Variants in NDUFAF2 observed in about 807,000 individuals in gnomAD.
NDUFAF2 encodes NADH dehydrogenase [ubiquinone] 1 alpha subcomplex assembly factor 2.
A neutral mutation model predicts 22.8 loss-of-function variants in NDUFAF2; 13 were observed. That is an observed-to-expected ratio of 0.57 (90% CI 0.37 to 0.91). The LOEUF is 0.91. Among genes scored for constraint, NDUFAF2 ranks in the 40% least tolerant of loss-of-function variants. NDUFAF2 has a pLI of 0.01. For synonymous variants in NDUFAF2, 53 were observed against 64.2 expected (o/e 0.83, Z 0.84); for missense variants, 162 against 195.2 (o/e 0.83, Z 1.01).
chr5:61,124,811 T>A (rs1016204859), intron 3 of NDUFAF2, among the ~76,000 whole-genome samples: 1 of 152,094 alleles, frequency 6.6e-6, no homozygotes, highest in Admixed American at 6.6e-5. Flanking sequence ...TTAGTTCGTT[T>A]TCACATTGCT....
At chr5:60,967,156 C>G (rs1750767721) in intron 1 of NDUFAF2, among the ~76,000 whole-genome samples, 1 of 151,846 alleles carries the variant, frequency 6.6e-6, no homozygotes, top group Non-Finnish European at 1.5e-5. Flanking sequence ...GATAGTTTAT[C>G]AGTGTATAGA....
intron 3 of NDUFAF2, among the ~76,000 whole-genome samples, chr5:61,128,243 A>G (rs998111841): frequency 3.8e-4 from 58 of 152,192 alleles, no homozygotes; most frequent in Non-Finnish European, 4.7e-4. Flanking sequence ...TATAGATTCA[A>G]TGCCATCCCC....
chr5:61,016,623 G>T (rs1751514844), intron 1 of NDUFAF2, among the ~76,000 whole-genome samples: 1 of 152,134 alleles, frequency 6.6e-6, no homozygotes. Context: ...GGAGATAAAT[G>T]CTTGAGTAAT....
At chr5:61,147,437 CT>C (rs1240336890) in intron 3 of NDUFAF2, among the ~76,000 whole-genome samples, 56 of 84,728 alleles carry the variant, frequency 6.6e-4, no homozygotes, top group South Asian at 1.0e-3. Flanking sequence ...TTTTTTCTTT[CT>C]TTTTTTTTTT....
intron 1 of NDUFAF2, among the ~76,000 whole-genome samples, chr5:61,047,994 A>G (rs1751974224): frequency 1.3e-5 from 2 of 152,192 alleles, no homozygotes; most frequent in African/African-American, 2.4e-5. Flanking sequence ...TTTAATAAAC[A>G]TGAAGTGAAA....
chr5:61,126,480 A>C (rs1177188546), intron 3 of NDUFAF2, among the ~76,000 whole-genome samples: 2 of 152,052 alleles, frequency 1.3e-5, no homozygotes, highest in Non-Finnish European at 2.9e-5. Context: ...TCATAAAAAC[A>C]TTTCATTATG....
intron 1 of NDUFAF2, among the ~76,000 whole-genome samples, chr5:61,024,448 T>G (rs1215752811): frequency 6.6e-6 from 1 of 152,084 alleles, no homozygotes; most frequent in Non-Finnish European, 1.5e-5. Flanking sequence ...TAAGTTAGAC[T>G]GATAGACCCT....
chr5:61,019,713 T>A (rs1014038367), intron 1 of NDUFAF2, among the ~76,000 whole-genome samples: 1 of 152,070 alleles, frequency 6.6e-6, no homozygotes, highest in Non-Finnish European at 1.5e-5. Context: ...ATAAGGAAAA[T>A]ACCTGGTTTT....
intron 1 of NDUFAF2, among the ~76,000 whole-genome samples, chr5:60,982,646 G>A (rs907085192): frequency 6.1e-5 from 9 of 148,224 alleles, no homozygotes; most frequent in East Asian, 4.0e-4. Flanking sequence ...GGGAACATGC[G>A]GTGTTTGGTC....
rs144006692 is a variant in NDUFAF2 at position 60,945,365 on chromosome 5, A to G, written c.110A>G (p.Gln37Arg). 6.2e-7 allele frequency: 1 copy of G among 1,614,204 alleles called. No individual in the cohort carries two copies. Residue 37 changes from glutamine to arginine, a missense_variant, in exon 1 of 4, where the codon CAG becomes CGG. This residue lies in a region of NDUFAF2 where 94 missense variants were observed against 85.2 expected (regional missense o/e 1.10). Transcript: ENST00000296597. ...GGGAACAAATACTACTACATCCCGC[A>G]GTACAAGAACTGGAGAGGTGAGGTG... ...QFGNKYYYIP[Q>R]YKNWRGQTIR...
intron 1 of NDUFAF2, among the ~76,000 whole-genome samples, chr5:61,033,030 C>T (rs1400908603): frequency 3.3e-5 from 5 of 152,098 alleles, no homozygotes; most frequent in Non-Finnish European, 5.9e-5. Context: ...TCTTCCTATC[C>T]ATGAGCATGG....
chr5:60,998,939 T>C (rs1751261830), intron 1 of NDUFAF2, among the ~76,000 whole-genome samples: 1 of 152,040 alleles, frequency 6.6e-6, no homozygotes, highest in African/African-American at 2.4e-5. Flanking sequence ...ACTTACACTT[T>C]TAGTATGCTA....
At chr5:60,953,058 G>T (rs1750569189) in intron 1 of NDUFAF2, among the ~76,000 whole-genome samples, 1 of 151,942 alleles carries the variant, frequency 6.6e-6, no homozygotes, top group East Asian at 1.9e-4. Context: ...AATATTTGAA[G>T]AAATAATGGC....
intron 1 of NDUFAF2, among the ~76,000 whole-genome samples, chr5:60,959,006 T>C (rs1427939560): frequency 6.6e-6 from 1 of 152,090 alleles, no homozygotes; most frequent in Non-Finnish European, 1.5e-5. Context: ...CACTATTATA[T>C]GTAATTGTAA....
chr5:60,972,450 C>T (rs1246284701), intron 1 of NDUFAF2, among the ~76,000 whole-genome samples: 2 of 152,056 alleles, frequency 1.3e-5, no homozygotes. Context: ...TAAGGGACTT[C>T]CCCCTCTTCA....
At chr5:61,087,683 A>T (rs1371773129) in intron 2 of NDUFAF2, among the ~76,000 whole-genome samples, 1 of 152,166 alleles carries the variant, frequency 6.6e-6, no homozygotes. Context: ...TAAAGACATA[A>T]GTCCAAACAA....
intron 3 of NDUFAF2, among the ~76,000 whole-genome samples, chr5:61,141,227 CAAAAA>C (rs11335251): frequency 6.9e-6 from 1 of 144,656 alleles, no homozygotes; most frequent in Non-Finnish European, 1.5e-5. Flanking sequence ...AACTCCGTCT[CAAAAA>C]AAAAAAAATT....
chr5:61,075,584 G>A (rs779840716), intron 2 of NDUFAF2, among the ~76,000 whole-genome samples: 2 of 152,066 alleles, frequency 1.3e-5, no homozygotes, highest in Non-Finnish European at 2.9e-5. Context: ...AAATGAGTAC[G>A]TAATGACTCA....
At chr5:61,075,816 A>T (rs1004476839) in intron 2 of NDUFAF2, among the ~76,000 whole-genome samples, 1 of 152,218 alleles carries the variant, frequency 6.6e-6, no homozygotes, top group Non-Finnish European at 1.5e-5. Context: ...TTTCAGGTTC[A>T]GATGAATATT....
Sources: allele counts gnomAD v4.1 joint callset (sites outside exome capture counted in the v4.1 genomes callset), GRCh38; gene constraint gnomAD v4.1.1; regional missense constraint gnomAD v4.1.1; transcripts MANE v1.5; gene names NCBI Gene and HGNC (gene_info 2026-07-23, HGNC 2026-07-21).